PNKP: variants seen among roughly 807,000 people sequenced by gnomAD.
PNKP encodes the protein bifunctional polynucleotide phosphatase/kinase.
Under a neutral mutation model 66.2 loss-of-function variants are expected in PNKP, and 82 were observed. The observed-to-expected ratio is 1.24, with a 90% CI of 1.04 to 1.49. PNKP has a LOEUF of 1.49. Ranked by LOEUF, PNKP falls within the 40% of genes most tolerant of loss-of-function variation. The pLI is 0.00. For missense variants in PNKP, 907 were observed against 706.8 expected (o/e 1.28, Z -3.21); for synonymous variants, 412 against 298.9 (o/e 1.38, Z -3.90).
chr19:49,861,548 C>CA, intron 15 of PNKP, 38 bp from the exon 16 acceptor site: 1 of 1,199,440 alleles, frequency 8.3e-7, no homozygotes, highest in Non-Finnish European at 1.1e-6. Flanking sequence ...GCCCAGGGGT[C>CA]AGGGGAGGAG....
At position 49,862,612 on chromosome 19, in the gene PNKP, G is replaced by C; in HGVS notation, c.866-4C>G. On this transcript the variant is annotated splice_polypyrimidine_tract_variant and splice_region_variant and intron_variant, in intron 9 of 16. Coordinates refer to ENST00000322344, the MANE Select transcript of PNKP (RefSeq NM_007254.4). ...TTGGCCGGGCGTCCGGCTGCGTCTG[G>C]AACACACGGGACACCCCGTTCCCAC... The C allele has an allele frequency of 1.2e-6, 2 of 1,613,872 alleles. No individual in the cohort carries two copies. Among genetic ancestry groups the C allele is most frequent in the Non-Finnish European group, 1.7e-6 (2 of 1,179,888 alleles).
rs374547164 is a variant in PNKP at position 49,861,496 on chromosome 19, C to A, written c.1401G>T (p.Thr467=). 1.9e-6 allele frequency: 3 copies of A among 1,611,844 alleles called. No homozygotes were observed. The highest frequency in any genetic ancestry group is 1.1e-5 in the South Asian group (1 of 91,026). ...ARHNNRFREM[T]DSSHIPVSDM... is the part of the protein sequence containing the mutation. ...CTGACACGGGGATATGAGAGGAGTC[C>A]GTCATCTCTCGAAACTGTGGGGAAC... Residue 467 remains threonine (T), a synonymous_variant, in exon 16 of 17, where the codon ACG becomes ACT. Coordinates refer to ENST00000322344, the MANE Select transcript of PNKP (RefSeq NM_007254.4).
chr19:49,861,922 G>T (rs779474259), intron 13 of PNKP, 41 bp from the exon 14 acceptor site: 9 of 1,580,868 alleles, frequency 5.7e-6, no homozygotes, highest in Non-Finnish European at 6.9e-6. Flanking sequence ...GCAGACCCAG[G>T]GGGAGAGAAG....
Position 49,861,713 on chromosome 19 carries a change from G to T in PNKP, c.1299-18C>A, listed in dbSNP as rs2074765215. The T allele has an allele frequency of 1.3e-6, 2 of 1,548,728 alleles. No individual in the cohort carries two copies. The highest frequency in any genetic ancestry group is 1.7e-6 in the Non-Finnish European group (2 of 1,146,578). On this transcript the variant is annotated intron_variant, in intron 14 of 16. Coordinates refer to ENST00000322344, the MANE Select transcript of PNKP (RefSeq NM_007254.4). ...GGACGTACCTGTGGGGGAAGGAGCT[G>T]GATGTGCAGGCCCCGCCCACCCCGC...
At position 49,862,590 on chromosome 19, in the gene PNKP, G is replaced by C. The variant is rs753695701; in HGVS notation, c.884C>G (p.Ala295Gly). ...CTTCTTCCGCCCCGGGGCCCAGTTG[G>C]CCGGGCGTCCGGCTGCGTCTGGAAC... is the stretch of plus-strand genomic sequence containing the variant. The part of the protein sequence containing the change: ...IFVGDAAGRP[A>G]NWAPGRKKKD... The change falls in exon 10 of 17, where the codon GCC becomes GGC. Residue 295 changes from alanine to glycine, a missense_variant. Ala to Gly is a moderately conservative substitution (Grantham distance 60, BLOSUM62 0). Transcript: ENST00000322344. 29 of 1,613,404 alleles carry C rather than the reference G, an allele frequency of 1.8e-5. No homozygotes were observed. The highest frequency in any genetic ancestry group is 2.4e-5 in the Non-Finnish European group (28 of 1,179,726).
In PNKP at chr19:49,862,059, A is replaced by G. The variant is rs1341002625; in HGVS notation, c.1173T>C (p.Tyr391=). 8 of 1,614,042 alleles carry G rather than the reference A, an allele frequency of 5.0e-6. No homozygotes were observed. The highest frequency in any genetic ancestry group is 4.0e-5 in the African/African-American group (3 of 74,914). ...FLKKHLVSAG[Y]VHVNRDTLGS... is the part of the protein sequence containing the mutation. The stretch of plus-strand genomic sequence containing the variant: ...CTGGTCATACCCTGTTCACGTGGAC[A>G]TATCCGGCCGACACGAGGTGCTTCT... Residue 391 remains tyrosine (Y), a synonymous_variant, in exon 13 of 17, where the codon TAT becomes TAC. Transcript: ENST00000322344.
chr19:49,865,484 A>C, intron 3 of PNKP, 58 bp from the exon 4 acceptor site: 1 of 1,293,248 alleles, frequency 7.7e-7, no homozygotes, highest in Non-Finnish European at 1.1e-6. Context: ...AGCTTCCTCC[A>C]ATCAAATACC....
chr19:49,866,036 A>G (rs2074817269), intron 3 of PNKP: 1 of 346,412 alleles, frequency 2.9e-6, no homozygotes, highest in Admixed American at 4.2e-5. Flanking sequence ...TTTTTGAGAC[A>G]GGTTCTCGCT....
At chr19:49,866,864 C>T in intron 2 of PNKP, 190 bp downstream of exon 2, 1 of 657,394 alleles carries the variant, frequency 1.5e-6, no homozygotes, top group South Asian at 1.8e-5. Flanking sequence ...CGGCTCGATC[C>T]CCTCTCCCCC....
At chr19:49,863,259 G>A (rs1401989077) in intron 8 of PNKP, among the ~76,000 whole-genome samples, 1 of 152,128 alleles carries the variant, frequency 6.6e-6, no homozygotes, top group African/African-American at 2.4e-5. Context: ...CTTTTCCTCT[G>A]ATGTCACCTC....
chr19:49,865,974 T>G (rs1236714190), intron 3 of PNKP: 1 of 301,432 alleles, frequency 3.3e-6, no homozygotes, highest in Non-Finnish European at 6.4e-6. Flanking sequence ...GCAACACTTC[T>G]TTCTTTACTG....
At chr19:49,863,664 G>T (rs759473391) in intron 8 of PNKP, 25 bp downstream of exon 8, 6 of 1,538,196 alleles carry the variant, frequency 3.9e-6, no homozygotes, top group Non-Finnish European at 2.6e-6. Flanking sequence ...AAAAGGAGGG[G>T]GGCCGGGCAG....
At chr19:49,863,915 C>A in intron 7 of PNKP, 49 bp downstream of exon 7, 1 of 1,503,666 alleles carries the variant, frequency 6.7e-7, no homozygotes, top group South Asian at 1.1e-5. Context: ...AGCCCTCGCT[C>A]TGGATCTCTG....
rs760178414 is a variant in PNKP, at chr19:49,862,626, C to T, written c.866-18G>A. ...GGCTGCGTCTGGAACACACGGGACA[C>T]CCCGTTCCCACCAGCTCGGAGGGAG... On this transcript the variant is annotated intron_variant, in intron 9 of 16. Coordinates refer to ENST00000322344, the MANE Select transcript of PNKP (RefSeq NM_007254.4). The T allele has an allele frequency of 9.3e-6, 15 of 1,613,872 alleles. No homozygotes were observed. Among genetic ancestry groups the T allele is most frequent in the African/African-American group, 4.0e-5 (3 of 74,926 alleles).
intron 14 of PNKP, 25 bp downstream of exon 14, chr19:49,861,747 A>G (rs1309726675): frequency 1.2e-5 from 19 of 1,556,868 alleles, no homozygotes; most frequent in Non-Finnish European, 1.7e-5. Context: ...GCCGCAGGCC[A>G]CCTACGGCCC....
At chr19:49,865,524 T>C (rs964841382) in intron 3 of PNKP, 98 bp from the exon 4 acceptor site, 6 of 783,834 alleles carry the variant, frequency 7.7e-6, no homozygotes, top group East Asian at 5.5e-5. Flanking sequence ...TCTCCACCAC[T>C]ATCAGACCCT....
rs775229994 is a variant in PNKP at position 49,861,565 on chromosome 19, C to T, written c.1386+43G>A. 3.4e-6 allele frequency: 4 copies of T among 1,169,282 alleles called. No homozygotes were observed. The highest frequency in any genetic ancestry group is 3.4e-6 in the Non-Finnish European group (3 of 895,088). 72.4% of individuals were successfully genotyped at this position (1,169,282 alleles called of 1,614,324 possible). ...CCAGGGGTCAGGGGAGGAGGGGGGT[C>T]AGGGGGTGCAGCCCGGGGGGTGTCC... On this transcript the variant is annotated intron_variant, in intron 15 of 16. Coordinates refer to ENST00000322344, the MANE Select transcript of PNKP (RefSeq NM_007254.4).
At chr19:49,864,434 C>T in intron 4 of PNKP, 31 bp from the exon 5 acceptor site, 1 of 1,526,582 alleles carries the variant, frequency 6.6e-7, no homozygotes. Context: ...CAAACAGCAG[C>T]ACTGTGATAC....
Position 49,862,546 on chromosome 19 carries a change from CG to C in PNKP, c.927del (p.Asp310IlefsTer52). ...PGRKKKDFSC[A>X]DRLFALNLGL... is the part of the protein sequence containing the mutation. ...GGGGGCAGGGGCCTCACCAGGCGAT[CG>C]GCGCAGGAGAAGTCTTTCTTCTTCC... On this transcript the variant is annotated frameshift_variant, in exon 10 of 17. Transcript: ENST00000322344. LOFTEE classifies it high-confidence loss of function. 1 of 1,610,078 alleles carries C rather than the reference CG, an allele frequency of 6.2e-7. No homozygotes were observed. Among genetic ancestry groups the C allele is most frequent in the Middle Eastern group, 1.7e-4 (1 of 6,054 alleles).
Sources: gnomAD v4.1 joint callset for allele counts (sites outside exome capture counted in the v4.1 genomes callset) on GRCh38, gnomAD v4.1.1 for gene constraint, MANE v1.5 for transcripts, NCBI Gene and HGNC (gene_info 2026-07-23, HGNC 2026-07-21) for gene names.